The following FRAS1 variants were observed in gnomAD, a reference collection of about 807,000 sequenced individuals.
FRAS1 encodes the protein Fraser extracellular matrix complex subunit 1.
A neutral mutation model predicts 435.2 loss-of-function variants in FRAS1; 290 were observed. That is an observed-to-expected ratio of 0.67 (90% CI 0.61 to 0.73). The LOEUF is 0.73. FRAS1 is among the 30% of genes least tolerant of loss of function. The pLI is 0.00. For synonymous variants in FRAS1, 1,800 were observed against 1,851.0 expected, an observed-to-expected ratio of 0.97 and a Z score of 0.71; for missense variants, 4,860 against 5,001.5, an observed-to-expected ratio of 0.97 and a Z score of 0.85.
At chr4:78,425,515 T>C (rs1733964396) in intron 35 of FRAS1, among the ~76,000 whole-genome samples, 1 of 152,234 alleles carries the variant, frequency 6.6e-6, no homozygotes, top group East Asian at 1.9e-4. Context: ...CCATGCGCAC[T>C]GTTACATTTC....
chr4:78,454,971 G>A (rs1719142367), intron 47 of FRAS1, among the ~76,000 whole-genome samples: 1 of 152,200 alleles, frequency 6.6e-6, no homozygotes. Context: ...GTCTACCTGG[G>A]ATGGTTCCTT....
intron 23 of FRAS1, among the ~76,000 whole-genome samples, chr4:78,370,835 A>G (rs1167089786): frequency 2.0e-5 from 3 of 152,232 alleles, no homozygotes; most frequent in African/African-American, 7.2e-5. Flanking sequence ...GCAACAGGAA[A>G]GCAAAGGTAA....
chr4:78,316,649 A>G (rs28417290), intron 16 of FRAS1, among the ~76,000 whole-genome samples: 2,052 of 152,216 alleles, frequency 0.013, 34 homozygotes, highest in African/African-American at 0.046. Flanking sequence ...CCTTAGAGTC[A>G]GAGATGTCCC....
At chr4:78,186,424 C>G (rs1311062429) in intron 2 of FRAS1, among the ~76,000 whole-genome samples, 1 of 152,148 alleles carries the variant, frequency 6.6e-6, no homozygotes, top group Non-Finnish European at 1.5e-5. Context: ...AAGCCTGTCA[C>G]TTGTGAACTA....
At position 78,181,255 on chromosome 4, in the gene FRAS1, C is replaced by T. The variant is rs535879992; in HGVS notation, c.109-56255C>T. On this transcript the variant is annotated intron_variant, in intron 2 of 73. Coordinates refer to ENST00000512123, the MANE Select transcript of FRAS1 (RefSeq NM_025074.7). ...TCTCTTTTGGACCCTCCTCTTTTACCTCTTCAACATCATTCTCCTTATTTT... is the reference window on the plus strand; with the variant it reads ...TCTCTTTTGGACCCTCCTCTTTTACTTCTTCAACATCATTCTCCTTATTTT... The T allele has an allele frequency of 1.2e-5, 20 of 1,609,266 alleles. No individual in the cohort carries two copies. In the Middle Eastern group the frequency reaches 5.5e-4, roughly 44 times the overall value.
chr4:78,511,674 C>T, intron 64 of FRAS1, 168 bp downstream of exon 64: 1 of 676,096 alleles, frequency 1.5e-6, no homozygotes, highest in Non-Finnish European at 2.7e-6. Context: ...CTCGGGCCCC[C>T]TGCCTATCTT....
chr4:78,461,723 A>G (rs1281420625), intron 47 of FRAS1, among the ~76,000 whole-genome samples: 1 of 152,194 alleles, frequency 6.6e-6, no homozygotes, highest in Non-Finnish European at 1.5e-5. Flanking sequence ...CACCTAACAT[A>G]TATTCCAGGT....
At chr4:78,435,752 AACAAC>A (rs1422591894) in intron 38 of FRAS1, among the ~76,000 whole-genome samples, 1 of 152,010 alleles carries the variant, frequency 6.6e-6, no homozygotes, top group Non-Finnish European at 1.5e-5. Context: ...AAAAAAAAAA[AACAAC>A]CAGTCATAGC....
chr4:78,218,983 G>A (rs1040643060), intron 2 of FRAS1, among the ~76,000 whole-genome samples: 1 of 152,116 alleles, frequency 6.6e-6, no homozygotes, highest in African/African-American at 2.4e-5. Context: ...TCTTATAGAG[G>A]GAACATGGTG....
chr4:78,060,854 A>T (rs947234477), intron 1 of FRAS1, among the ~76,000 whole-genome samples: 19 of 149,998 alleles, frequency 1.3e-4, no homozygotes, highest in African/African-American at 4.4e-4. Flanking sequence ...TATTTTTATT[A>T]TTTTTTTTTT....
At chr4:78,118,703 C>A (rs1225188415) in intron 2 of FRAS1, among the ~76,000 whole-genome samples, 1 of 152,134 alleles carries the variant, frequency 6.6e-6, no homozygotes, top group Non-Finnish European at 1.5e-5. Flanking sequence ...CCCGATTTTC[C>A]AGGTGCTGTC....
chr4:78,226,280 C>T (rs1289927025), intron 2 of FRAS1, among the ~76,000 whole-genome samples: 1 of 151,622 alleles, frequency 6.6e-6, no homozygotes, highest in Non-Finnish European at 1.5e-5. Context: ...ATATATTTAC[C>T]CTATTATTCT....
chr4:78,179,362 AT>A lies in FRAS1; in HGVS notation c.109-58147del, dbSNP rs1721905764. ...CCTGTGGTGGCCTCTTCTTTTTAAT[AT>A]CACGTGCCAGCAGGTAGGCAGGCAA... On this transcript the variant is annotated intron_variant, in intron 2 of 73. Coordinates refer to ENST00000512123, the MANE Select transcript of FRAS1 (RefSeq NM_025074.7). Among the ~76,000 whole-genome samples the A allele has an allele frequency of 2.0e-5, 3 of 152,318 alleles. No homozygotes were observed. The South Asian group carries it at 6.2e-4, about 32-fold the overall frequency.
chr4:78,179,291 A>C (rs865966036), intron 2 of FRAS1, among the ~76,000 whole-genome samples: 21 of 152,354 alleles, frequency 1.4e-4, no homozygotes, highest in African/African-American at 4.6e-4. Context: ...TCATTCTTTC[A>C]GCCTTGGGGC....
At chr4:78,379,582 G>A in intron 26 of FRAS1, 144 bp from the exon 27 acceptor site, 1 of 788,952 alleles carries the variant, frequency 1.3e-6, no homozygotes, top group Non-Finnish European at 2.0e-6. Context: ...TGTTTATGCA[G>A]TGAAATCAAC....
In FRAS1 at chr4:78,489,074, G is replaced by C; in HGVS notation, c.8952G>C (p.Gly2984=). The part of the protein sequence containing the change: ...ADSSRITFLK[G]DKVKNCTVYI... Reference sequence around the variant, plus strand: ...CTTCACGGATTACATTTCTCAAAGGGGACAAAGTAAGTGGATTGGTGGTGG... The same window carrying C: ...CTTCACGGATTACATTTCTCAAAGGCGACAAAGTAAGTGGATTGGTGGTGG... The change falls in exon 59 of 74, where the codon GGG becomes GGC. Residue 2984 remains glycine (G), a synonymous_variant. Coordinates refer to ENST00000512123, the MANE Select transcript of FRAS1 (RefSeq NM_025074.7). 1 of 1,611,688 alleles carries C rather than the reference G, an allele frequency of 6.2e-7. No homozygotes were observed. Among genetic ancestry groups the C allele is most frequent in the Non-Finnish European group, 8.5e-7 (1 of 1,179,218 alleles).
chr4:78,536,685 A>G (rs1436692083), intron 71 of FRAS1, among the ~76,000 whole-genome samples: 1 of 152,192 alleles, frequency 6.6e-6, no homozygotes, highest in Non-Finnish European at 1.5e-5. Context: ...TCTCAACTGC[A>G]TCTCACACAC....
At chr4:78,486,397 T>C (rs543688217) in intron 58 of FRAS1, among the ~76,000 whole-genome samples, 2 of 152,300 alleles carry the variant, frequency 1.3e-5, no homozygotes, top group South Asian at 4.1e-4. Flanking sequence ...AAAAAGATAA[T>C]TGTAGACTGG....
At chr4:78,120,682 G>A (rs1196460259) in intron 2 of FRAS1, among the ~76,000 whole-genome samples, 1 of 152,126 alleles carries the variant, frequency 6.6e-6, no homozygotes, top group Non-Finnish European at 1.5e-5. Context: ...TTTCAATGAA[G>A]GATTAAGCAC....
Sources: allele counts gnomAD v4.1 joint callset (sites outside exome capture counted in the v4.1 genomes callset), GRCh38; gene constraint gnomAD v4.1.1; transcripts MANE v1.5; gene names NCBI Gene and HGNC (gene_info 2026-07-23, HGNC 2026-07-21).